The following NFYC variants were observed in gnomAD, a reference collection of about 807,000 sequenced individuals.
NFYC encodes nuclear transcription factor Y subunit gamma.
NFYC carries 25 observed loss-of-function variants against 53.1 expected under a neutral mutation model. The ratio of observed to expected loss-of-function variants is 0.47; its 90% CI spans 0.34 to 0.66. NFYC has a LOEUF of 0.66. Ranked by LOEUF, NFYC falls within the 30% of genes least tolerant of loss-of-function variation. The pLI is 0.01. For missense variants in NFYC, 260 were observed against 422.7 expected, an observed-to-expected ratio of 0.62 and a Z score of 3.38; for synonymous variants, 145 against 152.6, an observed-to-expected ratio of 0.95 and a Z score of 0.37.
intron 8 of NFYC, among the ~76,000 whole-genome samples, chr1:40,767,869 G>C (rs1036642842): frequency 6.6e-5 from 10 of 152,164 alleles, no homozygotes; most frequent in African/African-American, 2.4e-4. Context: ...CCAGCTACTT[G>C]GGAGGCTGAG....
At chr1:40,702,307 G>A (rs1026095709) in intron 1 of NFYC, among the ~76,000 whole-genome samples, 1 of 145,248 alleles carries the variant, frequency 6.9e-6, no homozygotes, top group Non-Finnish European at 1.5e-5. Context: ...TGCTCAGAAT[G>A]TTTCTGGGCC....
chr1:40,707,646 TA>T (rs1643766467), intron 1 of NFYC, among the ~76,000 whole-genome samples: 1 of 143,662 alleles, frequency 7.0e-6, no homozygotes, highest in Non-Finnish European at 1.5e-5. Context: ...TCTACCAATT[TA>T]AAAAAAGAAA....
At chr1:40,736,366 G>T (rs1209439190) in intron 1 of NFYC, among the ~76,000 whole-genome samples, 1 of 152,188 alleles carries the variant, frequency 6.6e-6, no homozygotes, top group East Asian at 1.9e-4. Context: ...TAAACCTAGA[G>T]TTGTCAGCTT....
At chr1:40,736,876 C>CA (rs1163996625) in intron 1 of NFYC, among the ~76,000 whole-genome samples, 3 of 149,484 alleles carry the variant, frequency 2.0e-5, no homozygotes, top group African/African-American at 7.4e-5. Context: ...CCTGTAATCC[C>CA]AGCACTTTGG....
chr1:40,704,262 G>A (rs1254390837), intron 1 of NFYC, among the ~76,000 whole-genome samples: 4 of 152,024 alleles, frequency 2.6e-5, no homozygotes, highest in Admixed American at 6.6e-5. Context: ...TAGTAGAGAC[G>A]GGGTTTCACC....
At chr1:40,737,127 CAAAAAAAAA>C (rs1161900883) in intron 1 of NFYC, among the ~76,000 whole-genome samples, 2 of 88,808 alleles carry the variant, frequency 2.3e-5, no homozygotes, top group African/African-American at 4.4e-5. Flanking sequence ...AACTCTGTCT[CAAAAAAAAA>C]AAAAAAAAAA....
intron 6 of NFYC, among the ~76,000 whole-genome samples, chr1:40,760,794 T>C (rs1005664051): frequency 6.6e-6 from 1 of 152,222 alleles, no homozygotes; most frequent in Non-Finnish European, 1.5e-5. Context: ...AAAAATGTAT[T>C]GAGTGCTTGT....
At chr1:40,735,887 T>A in intron 1 of NFYC, 1 of 372,312 alleles carries the variant, frequency 2.7e-6, no homozygotes, top group Non-Finnish European at 3.7e-6. Flanking sequence ...TTAATAATGA[T>A]AAATAACTAA....
chr1:40,692,035 T>TGTCGCCGCCGCC (rs1172995215), intron 1 of NFYC, 168 bp downstream of exon 1: 13 of 193,804 alleles, frequency 6.7e-5, no homozygotes, highest in South Asian at 6.5e-4. Context: ...GGCCCGCTGC[T>TGTCGCCGCCGCC]GTCGCCGCCG....
intron 1 of NFYC, among the ~76,000 whole-genome samples, chr1:40,718,481 A>C (rs1172773614): frequency 6.6e-6 from 1 of 152,130 alleles, no homozygotes; most frequent in African/African-American, 2.4e-5. Context: ...GTTCTCATCA[A>C]CTCTCATATT....
At chr1:40,720,616 C>CA (rs1039570378) in intron 1 of NFYC, among the ~76,000 whole-genome samples, 1 of 152,158 alleles carries the variant, frequency 6.6e-6, no homozygotes, top group Non-Finnish European at 1.5e-5. Flanking sequence ...TCTGTAATCC[C>CA]AGCACTTTGG....
intron 1 of NFYC, among the ~76,000 whole-genome samples, chr1:40,733,960 T>C (rs1475273870): frequency 6.6e-6 from 1 of 152,204 alleles, no homozygotes; most frequent in Non-Finnish European, 1.5e-5. Flanking sequence ...TTAGCCAGGC[T>C]GGTCTTGAAC....
intron 1 of NFYC, among the ~76,000 whole-genome samples, chr1:40,705,075 G>C (rs966110572): frequency 6.6e-6 from 1 of 152,172 alleles, no homozygotes; most frequent in African/African-American, 2.4e-5. Context: ...ATATTACCTT[G>C]TTTAATCCTT....
intron 1 of NFYC, among the ~76,000 whole-genome samples, chr1:40,712,012 AGTGG>A (rs1204509406): frequency 3.3e-5 from 5 of 152,228 alleles, no homozygotes; most frequent in Admixed American, 2.0e-4. Flanking sequence ...TGTCTGATTT[AGTGG>A]CGAGTCTTGA....
intron 1 of NFYC, among the ~76,000 whole-genome samples, chr1:40,732,014 AGGGAGGACTTAACTTTGCTTTAATT>A (rs1644798356): frequency 6.6e-6 from 1 of 152,240 alleles, no homozygotes. Context: ...GAAGACATTA[AGGGAGGACTTAACTTTGCTTTAATT>A]GGAAGCAGCA....
rs34045698 is a variant in NFYC, at chr1:40,730,195, C to CTTT, written c.-8-8621_-8-8619dup. On this transcript the variant is annotated intron_variant, in intron 1 of 9. Coordinates refer to ENST00000447388, the MANE Select transcript of NFYC (RefSeq NM_014223.5). Reference sequence around the variant, plus strand: ...GGACTGGCTAATTTTTCTTTCTTTTCTTTTTTTTTTTTTTTTTTTTTTGGT... The same window carrying CTTT: ...GGACTGGCTAATTTTTCTTTCTTTTCTTTTTTTTTTTTTTTTTTTTTTTTTGGT... Among the ~76,000 whole-genome samples, 53 of 101,976 alleles carry CTTT rather than the reference C, an allele frequency of 5.2e-4. No individual in the cohort carries two copies. The East Asian group carries it at 5.3e-3, about 10-fold the overall frequency. 66.9% of individuals were successfully genotyped at this position (101,976 alleles called of 152,430 possible). A position where few individuals can be genotyped will look rare whatever the true frequency, so the allele number is the denominator to read the frequency against.
intron 6 of NFYC, among the ~76,000 whole-genome samples, chr1:40,760,608 A>G (rs1432738182): frequency 6.6e-6 from 1 of 151,764 alleles, no homozygotes; most frequent in African/African-American, 2.4e-5. Context: ...AGTCCCAGCT[A>G]CCCGGGGAGG....
intron 1 of NFYC, among the ~76,000 whole-genome samples, chr1:40,693,920 A>G (rs953318346): frequency 6.6e-6 from 1 of 152,206 alleles, no homozygotes; most frequent in Non-Finnish European, 1.5e-5. Flanking sequence ...CATAGAGAAT[A>G]TGGGTTCTTC....
chr1:40,741,362 T>C (rs576756698), intron 2 of NFYC, among the ~76,000 whole-genome samples: 1 of 152,344 alleles, frequency 6.6e-6, no homozygotes, highest in African/African-American at 2.4e-5. Flanking sequence ...AACTTTAGGC[T>C]AATGTAAGTG....
Sources: allele counts gnomAD v4.1 joint callset (sites outside exome capture counted in the v4.1 genomes callset), GRCh38; gene constraint gnomAD v4.1.1; transcripts MANE v1.5; gene names NCBI Gene and HGNC (gene_info 2026-07-23, HGNC 2026-07-21).